Variants in AAMDC observed in about 807,000 individuals in gnomAD.
AAMDC encodes the protein adipogenesis associated Mth938 domain containing.
Under a neutral mutation model 15.5 loss-of-function variants are expected in AAMDC, and 16 were observed. The ratio of observed to expected loss-of-function variants is 1.03; its 90% CI spans 0.70 to 1.57. AAMDC has a LOEUF of 1.57. Ranked by LOEUF, AAMDC falls within the 40% of genes most tolerant of loss-of-function variation. The pLI, the probability that AAMDC is intolerant of heterozygous loss-of-function variation, is 0.00. For missense variants in AAMDC, 141 were observed against 144.9 expected, an observed-to-expected ratio of 0.97 and a Z score of 0.14; for synonymous variants, 51 against 51.6, an observed-to-expected ratio of 0.99 and a Z score of 0.05.
intron 5 of AAMDC, chr11:77,883,890 A>G: frequency 6.2e-7 from 1 of 1,613,192 alleles, no homozygotes; most frequent in Middle Eastern, 1.6e-4. Context: ...GCCCTGGGCC[A>G]GGATTCCGGA....
chr11:77,880,468 T>A (rs1274596735), intron 5 of AAMDC, among the ~76,000 whole-genome samples: 1 of 152,158 alleles, frequency 6.6e-6, no homozygotes, highest in Non-Finnish European at 1.5e-5. Flanking sequence ...CATGACAACA[T>A]GAGGGTCATG....
At chr11:77,875,420 G>T (rs1951568833), downstream of AAMDC, among the ~76,000 whole-genome samples, 1 of 152,164 alleles carries the variant, frequency 6.6e-6, no homozygotes, top group Admixed American at 6.5e-5. Context: ...AGTTACCAAG[G>T]TTTTTTAACT....
intron 3 of AAMDC, among the ~76,000 whole-genome samples, chr11:77,870,877 C>T (rs1222006229): frequency 6.6e-6 from 1 of 152,148 alleles, no homozygotes; most frequent in East Asian, 1.9e-4. Flanking sequence ...TATTCTATAA[C>T]TTTTTCCCCC....
chr11:77,858,629 C>A (rs1314995019), intron 2 of AAMDC, among the ~76,000 whole-genome samples: 1 of 152,102 alleles, frequency 6.6e-6, no homozygotes, highest in Non-Finnish European at 1.5e-5. Context: ...TCTCAGTCCC[C>A]CCTCTCAACA....
chr11:77,869,859 A>G, intron 3 of AAMDC, 42 bp downstream of exon 3: 1 of 1,578,876 alleles, frequency 6.3e-7, no homozygotes, highest in Non-Finnish European at 8.7e-7. Flanking sequence ...ACAGGTGGGG[A>G]TCTCTTGGGC....
chr11:77,842,055 G>A (rs887079443), intron 1 of AAMDC, among the ~76,000 whole-genome samples: 2 of 152,180 alleles, frequency 1.3e-5, no homozygotes, highest in Non-Finnish European at 2.9e-5. Flanking sequence ...GAAATTCAGC[G>A]ATCTTCATGA....
downstream of AAMDC, among the ~76,000 whole-genome samples, chr11:77,904,982 G>C (rs1254664431): frequency 6.6e-6 from 1 of 152,200 alleles, no homozygotes; most frequent in Non-Finnish European, 1.5e-5. Context: ...AGCTTGACTA[G>C]ATTAAGGAAT....
chr11:77,868,097 C>A (rs1951203931), intron 2 of AAMDC, among the ~76,000 whole-genome samples: 1 of 149,966 alleles, frequency 6.7e-6, no homozygotes, highest in Non-Finnish European at 1.5e-5. Context: ...GTTCTATCGC[C>A]CAGGCTGGAG....
At chr11:77,892,652 G>A (rs185092183) in intron 5 of AAMDC, among the ~76,000 whole-genome samples, 57 of 152,070 alleles carry the variant, frequency 3.7e-4, no homozygotes, top group Non-Finnish European at 7.6e-4. Flanking sequence ...GCGTGATCTC[G>A]GCTCACTGGA....
intron 1 of AAMDC, among the ~76,000 whole-genome samples, chr11:77,840,129 G>A (rs1457137086): frequency 6.6e-6 from 1 of 151,588 alleles, no homozygotes; most frequent in Non-Finnish European, 1.5e-5. Flanking sequence ...CAACACCCAG[G>A]GATTTGAATG....
chr11:77,858,302 C>CTTTTTTTTT lies in AAMDC; in HGVS notation c.133-11403_133-11395dup, dbSNP rs71473358. On this transcript the variant is annotated intron_variant, in intron 2 of 3. Coordinates refer to ENST00000393427, the MANE Select transcript of AAMDC (RefSeq NM_024684.4). The stretch of plus-strand genomic sequence containing the variant: ...CTCCACCTCCTGCGTTTAAGCAATT[C>CTTTTTTTTT]TTTTTTTTTTTTTTTTTTTTTTTTT... Among the ~76,000 whole-genome samples, 161 of 69,350 alleles carry CTTTTTTTTT rather than the reference C, an allele frequency of 2.3e-3. 7 individuals carry two copies. The highest frequency in any genetic ancestry group is 6.1e-3 in the African/African-American group (99 of 16,268). The allele number at this position is 69,350 out of a possible 152,430, so 45.5% of individuals were successfully genotyped here.
At chr11:77,824,655 A>G (rs1227715120) in intron 1 of AAMDC, among the ~76,000 whole-genome samples, 1 of 152,330 alleles carries the variant, frequency 6.6e-6, no homozygotes, top group East Asian at 1.9e-4. Context: ...CATCAATATG[A>G]AGGTCAAAAC....
At chr11:77,828,563 C>T (rs1002416176) in intron 1 of AAMDC, among the ~76,000 whole-genome samples, 8 of 147,900 alleles carry the variant, frequency 5.4e-5, no homozygotes, top group African/African-American at 1.2e-4. Context: ...CCCAGCTACT[C>T]GGGAGGCTGC....
intron 5 of AAMDC, among the ~76,000 whole-genome samples, chr11:77,885,690 G>A (rs559694482): frequency 7.2e-5 from 11 of 152,096 alleles, no homozygotes; most frequent in South Asian, 2.1e-4. Flanking sequence ...ATGGTGGCGT[G>A]TGCCTGTAGT....
intron 2 of AAMDC, among the ~76,000 whole-genome samples, chr11:77,849,118 C>G (rs931003054): frequency 2.6e-5 from 4 of 151,818 alleles, no homozygotes; most frequent in African/African-American, 9.7e-5. Context: ...TTCACTGTAG[C>G]CTTGATCTCC....
At chr11:77,861,042 G>C (rs760671964) in intron 2 of AAMDC, among the ~76,000 whole-genome samples, 3 of 152,134 alleles carry the variant, frequency 2.0e-5, no homozygotes, top group Non-Finnish European at 4.4e-5. Context: ...GTCTAAGCGG[G>C]TATTGCCTTT....
downstream of AAMDC, chr11:77,903,685 T>A (rs2136446182): frequency 7.7e-7 from 1 of 1,299,786 alleles, no homozygotes; most frequent in South Asian, 1.4e-5. Context: ...TCATTTGGGA[T>A]TTACATTTTT....
intron 5 of AAMDC, among the ~76,000 whole-genome samples, chr11:77,888,247 C>G (rs1263237926): frequency 6.6e-6 from 1 of 152,188 alleles, no homozygotes; most frequent in East Asian, 1.9e-4. Context: ...TGGAACAGAA[C>G]AGAGCCCTCA....
intron 2 of AAMDC, among the ~76,000 whole-genome samples, chr11:77,843,855 C>T (rs1268476719): frequency 6.6e-6 from 1 of 152,070 alleles, no homozygotes; most frequent in Non-Finnish European, 1.5e-5. Flanking sequence ...GCCTCACAAT[C>T]ATGGCAGAAG....
Sources: allele counts gnomAD v4.1 joint callset (sites outside exome capture counted in the v4.1 genomes callset), GRCh38; gene constraint gnomAD v4.1.1; transcripts MANE v1.5; gene names NCBI Gene and HGNC (gene_info 2026-07-23, HGNC 2026-07-21).